SCAPER: variants seen among roughly 807,000 people sequenced by gnomAD.
SCAPER encodes the protein S-phase cyclin A associated protein in the ER.
In SCAPER, 98 loss-of-function variants were observed where a neutral mutation model predicts 182.2. That is an observed-to-expected ratio of 0.54 (90% CI 0.46 to 0.64). The LOEUF is 0.64. SCAPER is among the 30% of genes least tolerant of loss of function. SCAPER has a pLI of 0.00. For synonymous variants in SCAPER, 605 were observed against 564.6 expected (o/e 1.07, Z -1.01); for missense variants, 1,432 against 1,690.0 (o/e 0.85, Z 2.68).
chr15:76,517,651 CAT>C (rs2042540021), intron 23 of SCAPER, among the ~76,000 whole-genome samples: 1 of 151,958 alleles, frequency 6.6e-6, no homozygotes, highest in African/African-American at 2.4e-5. Flanking sequence ...GTGCCCAGCC[CAT>C]ATTAACATCT....
chr15:76,747,103 T>G (rs1402206342), intron 15 of SCAPER, among the ~76,000 whole-genome samples: 1 of 152,192 alleles, frequency 6.6e-6, no homozygotes, highest in Non-Finnish European at 1.5e-5. Flanking sequence ...TGTTCCCATT[T>G]CAAAGCTTAC....
At chr15:76,676,627 T>C (rs138283779) in intron 20 of SCAPER, among the ~76,000 whole-genome samples, 7 of 152,170 alleles carry the variant, frequency 4.6e-5, no homozygotes, top group African/African-American at 1.2e-4. Context: ...CAGTAAGAAA[T>C]TGATTACATA....
chr15:76,580,629 A>G (rs1049702260), intron 22 of SCAPER, among the ~76,000 whole-genome samples: 24 of 152,072 alleles, frequency 1.6e-4, no homozygotes, highest in African/African-American at 5.8e-4. Flanking sequence ...TAATGGAAAC[A>G]TAACATAACA....
chr15:76,373,219 T>A (rs1014794615), intron 29 of SCAPER, among the ~76,000 whole-genome samples: 2 of 152,070 alleles, frequency 1.3e-5, no homozygotes, highest in Non-Finnish European at 2.9e-5. Context: ...AGCTAATTTC[T>A]GTATTTTTAG....
intron 21 of SCAPER, among the ~76,000 whole-genome samples, chr15:76,625,930 GGAA>G (rs770658187): frequency 1.2e-4 from 19 of 152,038 alleles, no homozygotes; most frequent in African/African-American, 3.1e-4. Context: ...TGGCCACAAC[GGAA>G]GAAGAAGAAC....
rs894690539 is a variant in SCAPER, at chr15:76,891,297, A to G, written c.-59-7421T>C. The stretch of plus-strand genomic sequence containing the variant: ...CCCTCTCTCACCACTCCTATTCAAC[A>G]CAGTGTTGGAAATTCTGGCCAGAGC... On this transcript the variant is annotated intron_variant, in intron 1 of 31. Transcript: ENST00000563290. 2.0e-5 allele frequency among the ~76,000 whole-genome samples: 3 copies of G among 152,198 alleles called. No homozygotes were observed. The South Asian group carries it at 6.2e-4, about 31-fold the overall frequency.
intron 21 of SCAPER, among the ~76,000 whole-genome samples, chr15:76,661,084 C>T (rs1187443778): frequency 1.3e-5 from 2 of 152,112 alleles, no homozygotes; most frequent in Non-Finnish European, 2.9e-5. Context: ...AGACCCAATA[C>T]AATACTATCA....
chr15:76,526,976 A>G (rs1438952379), intron 23 of SCAPER, among the ~76,000 whole-genome samples: 2 of 151,764 alleles, frequency 1.3e-5, no homozygotes, highest in Non-Finnish European at 2.9e-5. Context: ...TGTTCAAGCT[A>G]TTCTCCTGCC....
rs73444264 is a variant in SCAPER at position 76,494,409 on chromosome 15, T to A, written c.2954+10450A>T. Among the ~76,000 whole-genome samples the A allele has an allele frequency of 4.4e-3, 668 of 152,280 alleles. 7 individuals carry two copies. The highest frequency in any genetic ancestry group is 0.015 in the African/African-American group (637 of 41,560). On this transcript the variant is annotated intron_variant, in intron 24 of 31. Coordinates refer to ENST00000563290, the MANE Select transcript of SCAPER (RefSeq NM_020843.4). ...TTCCTAGTCTGCTAGGTGGGAAAAA[T>A]GATTCCACAGATAATTTCCTATACC...
At chr15:76,871,958 C>A (rs1311494295) in intron 2 of SCAPER, among the ~76,000 whole-genome samples, 1 of 151,646 alleles carries the variant, frequency 6.6e-6, no homozygotes, top group Admixed American at 6.6e-5. Flanking sequence ...TAAGATATAC[C>A]TTTTCATTAA....
intron 27 of SCAPER, among the ~76,000 whole-genome samples, chr15:76,383,692 T>A (rs934281777): frequency 6.6e-6 from 1 of 152,192 alleles, no homozygotes; most frequent in Non-Finnish European, 1.5e-5. Flanking sequence ...TTTTAGGTCA[T>A]ACAAATTTTT....
At chr15:76,562,210 A>G (rs1191943412) in intron 23 of SCAPER, among the ~76,000 whole-genome samples, 1 of 151,760 alleles carries the variant, frequency 6.6e-6, no homozygotes, top group African/African-American at 2.4e-5. Context: ...TAAAACCTCA[A>G]GAATATAGGA....
chr15:76,524,812 T>G (rs1369382088), intron 23 of SCAPER, among the ~76,000 whole-genome samples: 1 of 150,100 alleles, frequency 6.7e-6, no homozygotes, highest in African/African-American at 2.4e-5. Context: ...GGAATAAATA[T>G]GAATGGTAGG....
chr15:76,525,195 T>C (rs1048522127), intron 23 of SCAPER, among the ~76,000 whole-genome samples: 25 of 152,236 alleles, frequency 1.6e-4, no homozygotes, highest in African/African-American at 5.8e-4. Context: ...ATGTTTTTCC[T>C]GCATAGTAAT....
chr15:76,898,511 GAATA>G (rs1253091571), intron 1 of SCAPER, among the ~76,000 whole-genome samples: 2 of 152,104 alleles, frequency 1.3e-5, no homozygotes, highest in Admixed American at 1.3e-4. Flanking sequence ...ACTGATAAAT[GAATA>G]AATAAAATGT....
intron 29 of SCAPER, among the ~76,000 whole-genome samples, chr15:76,366,476 G>C (rs1435568296): frequency 6.6e-6 from 1 of 152,052 alleles, no homozygotes; most frequent in Admixed American, 6.6e-5. Flanking sequence ...AAATCTTTTT[G>C]GAGTTTCCAG....
chr15:76,820,066 G>A lies in SCAPER; in HGVS notation c.394-15433C>T, dbSNP rs1260059951. Among the ~76,000 whole-genome samples the A allele has an allele frequency of 3.7e-4, 57 of 152,140 alleles. No individual in the cohort carries two copies. The East Asian group carries it at 6.6e-3, about 18-fold the overall frequency. On this transcript the variant is annotated intron_variant, in intron 5 of 31. Coordinates refer to ENST00000563290, the MANE Select transcript of SCAPER (RefSeq NM_020843.4). ...ACCATCTCACACCAGTTTGAATGGT[G>A]ATCATTAAAAAGTCAGGAAACAACA...
intron 26 of SCAPER, among the ~76,000 whole-genome samples, chr15:76,420,235 CT>C (rs71143323): frequency 0.13 from 15,426 of 116,760 alleles, 1,122 homozygotes; most frequent in African/African-American, 0.28. Context: ...ATGTTTTTTC[CT>C]TTTTTTTTTT....
At chr15:76,687,166 C>T (rs1219710046) in intron 20 of SCAPER, among the ~76,000 whole-genome samples, 2 of 152,060 alleles carry the variant, frequency 1.3e-5, no homozygotes, top group Non-Finnish European at 2.9e-5. Flanking sequence ...AGCATATTGG[C>T]ATTCTTTCCA....
Sources: allele counts gnomAD v4.1 joint callset (sites outside exome capture counted in the v4.1 genomes callset), GRCh38; gene constraint gnomAD v4.1.1; transcripts MANE v1.5; gene names NCBI Gene and HGNC (gene_info 2026-07-23, HGNC 2026-07-21).